The following OSBPL1A variants were observed in gnomAD, a reference collection of about 807,000 sequenced individuals.
OSBPL1A encodes the protein oxysterol binding protein like 1A.
OSBPL1A carries 80 observed loss-of-function variants against 137.1 expected under a neutral mutation model. The observed-to-expected ratio is 0.58, with a 90% CI of 0.49 to 0.70. The LOEUF (loss-of-function observed/expected upper bound fraction) is 0.70, where lower values mean the gene tolerates loss of function less well. Among genes scored for constraint, OSBPL1A ranks in the 30% least tolerant of loss-of-function variants. The probability of loss-of-function intolerance (pLI) is 0.00; values close to 1 mark genes in which losing one functional copy is unlikely to be tolerated. For missense variants in OSBPL1A, 970 were observed against 1,129.4 expected (o/e 0.86, Z 2.02); for synonymous variants, 365 against 389.7 (o/e 0.94, Z 0.75).
intron 13 of OSBPL1A, among the ~76,000 whole-genome samples, chr18:24,307,635 T>G (rs750041536): frequency 6.6e-5 from 10 of 152,228 alleles, no homozygotes; most frequent in Non-Finnish European, 1.3e-4. Flanking sequence ...ATTTTATGCC[T>G]TGTCCTTTTC....
At position 24,170,456 on chromosome 18, in the gene OSBPL1A, G is replaced by A; in HGVS notation, c.2292-3C>T. ...AGAGGGCACAGAGCTTCTTTTTGCT[G>A]TCAAGAAAAACTGATGTTTAGTTAA... On this transcript the variant is annotated splice_region_variant and splice_polypyrimidine_tract_variant and intron_variant, in intron 23 of 27. Transcript: ENST00000319481. The A allele has an allele frequency of 6.2e-7, 1 of 1,613,846 alleles. No homozygotes were observed. The highest frequency in any genetic ancestry group is 8.5e-7 in the Non-Finnish European group (1 of 1,179,962).
Position 24,178,183 on chromosome 18 carries a change from T to C in OSBPL1A, c.1923A>G (p.Gly641=), listed in dbSNP as rs1287017030. 9 of 1,516,390 alleles carry C rather than the reference T, an allele frequency of 5.9e-6. No individual in the cohort carries two copies. The highest frequency in any genetic ancestry group is 8.0e-6 in the Non-Finnish European group (9 of 1,125,996). 93.9% of individuals were successfully genotyped at this position (1,516,390 alleles called of 1,614,324 possible). ...ETYELVRDDL[G]FRLISEQVSH... ...TGACCTGTTCGGAGATGAGTCTAAATCCAAGGTCATCTCTTAAGATTTAAA... is the reference window on the plus strand; with the variant it reads ...TGACCTGTTCGGAGATGAGTCTAAACCCAAGGTCATCTCTTAAGATTTAAA... Residue 641 remains glycine, a synonymous_variant, in exon 21 of 28, where the codon GGA becomes GGG. Transcript: ENST00000319481.
At chr18:24,226,014 A>G (rs531438320) in intron 16 of OSBPL1A, among the ~76,000 whole-genome samples, 1 of 152,220 alleles carries the variant, frequency 6.6e-6, no homozygotes, top group South Asian at 2.1e-4. Flanking sequence ...TTTTTCCAGG[A>G]TGATAATATT....
chr18:24,379,136 A>G (rs1403245473), intron 1 of OSBPL1A, among the ~76,000 whole-genome samples: 1 of 152,242 alleles, frequency 6.6e-6, no homozygotes, highest in African/African-American at 2.4e-5. Context: ...TGGAAATAAA[A>G]ATAGCAAAAA....
intron 15 of OSBPL1A, among the ~76,000 whole-genome samples, chr18:24,249,659 G>A (rs2408): frequency 0.81 from 122,609 of 152,044 alleles, 51,135 homozygotes; most frequent in East Asian, 0.95. Context: ...TCATAGTGGC[G>A]AGCAAAGCCA....
At chr18:24,265,208 A>T (rs2089541646) in intron 15 of OSBPL1A, among the ~76,000 whole-genome samples, 1 of 152,244 alleles carries the variant, frequency 6.6e-6, no homozygotes, top group South Asian at 2.1e-4. Context: ...GGCCAGGCAC[A>T]GTGGCTCACA....
chr18:24,220,215 C>T (rs1241268154), intron 17 of OSBPL1A, among the ~76,000 whole-genome samples: 2 of 152,216 alleles, frequency 1.3e-5, no homozygotes, highest in Non-Finnish European at 1.5e-5. Flanking sequence ...ACAGTGGTGC[C>T]CTCGTCTGAC....
chr18:24,164,725 G>A (rs1002734313), intron 27 of OSBPL1A, among the ~76,000 whole-genome samples: 5 of 152,092 alleles, frequency 3.3e-5, no homozygotes, highest in African/African-American at 1.2e-4. Context: ...ACTGCACCCC[G>A]CCAGAGATTT....
At chr18:24,348,170 G>T (rs986068341) in intron 4 of OSBPL1A, among the ~76,000 whole-genome samples, 24 of 152,044 alleles carry the variant, frequency 1.6e-4, no homozygotes, top group African/African-American at 5.8e-4. Flanking sequence ...AATTTTTATT[G>T]AAAAATATCA....
intron 7 of OSBPL1A, among the ~76,000 whole-genome samples, chr18:24,322,608 CTG>C (rs1352780509): frequency 4.6e-5 from 7 of 152,084 alleles, no homozygotes; most frequent in Admixed American, 1.3e-4. Context: ...TCTGCCAATT[CTG>C]TGTTATTTTC....
At chr18:24,268,943 T>C (rs1175999124) in intron 15 of OSBPL1A, among the ~76,000 whole-genome samples, 2 of 152,176 alleles carry the variant, frequency 1.3e-5, no homozygotes, top group Non-Finnish European at 2.9e-5. Flanking sequence ...CCACATTCCC[T>C]CAATTCCCTA....
intron 17 of OSBPL1A, among the ~76,000 whole-genome samples, chr18:24,198,456 C>G (rs554959839): frequency 1.4e-4 from 21 of 152,210 alleles, no homozygotes; most frequent in African/African-American, 4.8e-4. Context: ...ATAAGGAAGT[C>G]AGATTATCTG....
At chr18:24,318,230 G>A (rs1391485133) in intron 9 of OSBPL1A, among the ~76,000 whole-genome samples, 1 of 152,094 alleles carries the variant, frequency 6.6e-6, no homozygotes, top group African/African-American at 2.4e-5. Flanking sequence ...TGGATCACGA[G>A]GTCAGGAGTT....
At chr18:24,342,348 A>G (rs1442280572) in intron 4 of OSBPL1A, among the ~76,000 whole-genome samples, 1 of 152,202 alleles carries the variant, frequency 6.6e-6, no homozygotes, top group African/African-American at 2.4e-5. Context: ...AAGACAGCAG[A>G]AATGGAGGAA....
intron 7 of OSBPL1A, among the ~76,000 whole-genome samples, chr18:24,321,040 A>AAG (rs1555650634): frequency 4.1e-5 from 6 of 146,020 alleles, no homozygotes; most frequent in Non-Finnish European, 7.5e-5. Flanking sequence ...AAAAAAAAAA[A>AAG]AAAAAGAAAA....
chr18:24,369,845 G>C (rs1905475499), intron 2 of OSBPL1A, among the ~76,000 whole-genome samples: 1 of 152,122 alleles, frequency 6.6e-6, no homozygotes, highest in Non-Finnish European at 1.5e-5. Flanking sequence ...TCCTGATAAG[G>C]ATCTCCCCCT....
intron 26 of OSBPL1A, among the ~76,000 whole-genome samples, chr18:24,166,334 C>T (rs533716527): frequency 6.6e-6 from 1 of 152,086 alleles, no homozygotes; most frequent in Non-Finnish European, 1.5e-5. Context: ...TGCCTCTGGC[C>T]ATCTCCAGTA....
rs532047731 is a variant in OSBPL1A at position 24,234,617 on chromosome 18, T to C, written c.1444+4603A>G. Among the ~76,000 whole-genome samples, 20 of 152,334 alleles carry C rather than the reference T, an allele frequency of 1.3e-4. No individual in the cohort carries two copies. The South Asian group carries it at 2.9e-3, about 22-fold the overall frequency. On this transcript the variant is annotated intron_variant, in intron 16 of 27. Transcript: ENST00000319481. Reference sequence around the variant, plus strand: ...CACCCACCTTATGAGTAGATTTCCATTGATCTTGCTTATCTGAAAAAGCTT... The same window carrying C: ...CACCCACCTTATGAGTAGATTTCCACTGATCTTGCTTATCTGAAAAAGCTT...
rs779873361 is a variant in OSBPL1A at position 24,171,440 on chromosome 18, G to GT, written c.2259dup (p.His754ThrfsTer4). Reference sequence around the variant, plus strand: ...TCTTGAATGTAGCCTTCAACTTTGTGTAATTCCTTACCAAAAAGGCCACAT... The same window carrying GT: ...TCTTGAATGTAGCCTTCAACTTTGTGTTAATTCCTTACCAAAAAGGCCACAT... On this transcript the variant is annotated frameshift_variant, in exon 23 of 28. Transcript: ENST00000319481. LOFTEE classifies it high-confidence loss of function. The GT allele has an allele frequency of 6.2e-7, 1 of 1,613,696 alleles. No individual in the cohort carries two copies.
Sources: gnomAD v4.1 joint callset for allele counts (sites outside exome capture counted in the v4.1 genomes callset) on GRCh38, gnomAD v4.1.1 for gene constraint, MANE v1.5 for transcripts, NCBI Gene and HGNC (gene_info 2026-07-23, HGNC 2026-07-21) for gene names.